The following PLCB4 variants were observed in gnomAD, a reference collection of about 807,000 sequenced individuals.
PLCB4 encodes the protein 1-phosphatidylinositol 4,5-bisphosphate phosphodiesterase beta-4.
Under a neutral mutation model 178.8 loss-of-function variants are expected in PLCB4, and 77 were observed. That is an observed-to-expected ratio of 0.43 (90% CI 0.36 to 0.52). The LOEUF (loss-of-function observed/expected upper bound fraction) is 0.52. Among genes scored for constraint, PLCB4 ranks in the 20% least tolerant of loss-of-function variants. The probability of loss-of-function intolerance (pLI) is 0.00; values close to 1 mark genes in which losing one functional copy is unlikely to be tolerated. For missense variants in PLCB4, 1,024 were observed against 1,453.4 expected (o/e 0.70, Z 4.80); for synonymous variants, 496 against 490.8 (o/e 1.01, Z -0.14).
intron 28 of PLCB4, among the ~76,000 whole-genome samples, chr20:9,435,008 T>C (rs2041674317): frequency 6.6e-6 from 1 of 152,226 alleles, no homozygotes; most frequent in African/African-American, 2.4e-5. Context: ...GTTCAAGTTA[T>C]ACCTGAGAAA....
At position 9,280,371 on chromosome 20, in the gene PLCB4, T is replaced by C. The variant is rs920877676; in HGVS notation, c.-15-27429T>C. On this transcript the variant is annotated intron_variant, in intron 3 of 39. Transcript: ENST00000378473. ...TGGCTCTTCACATTGGATTTCCAAG[T>C]TGGGAAGAGAAGGCAGGAAGACCTA... The C allele has an allele frequency of 8.3e-6, 6 of 722,816 alleles. No individual in the cohort carries two copies. The African/African-American group carries it at 1.2e-4, about 14-fold the overall frequency. The allele number at this position is 722,816 out of a possible 1,614,324, so 44.8% of individuals were successfully genotyped here.
intron 25 of PLCB4, among the ~76,000 whole-genome samples, chr20:9,415,212 A>G (rs1002416626): frequency 3.9e-5 from 6 of 151,964 alleles, no homozygotes; most frequent in South Asian, 4.2e-4. Flanking sequence ...TCATTTTCCT[A>G]TTGGGTTTTC....
chr20:9,091,216 C>G (rs1277953572), intron 1 of PLCB4, among the ~76,000 whole-genome samples: 1 of 110,378 alleles, frequency 9.1e-6, no homozygotes, highest in Non-Finnish European at 2.1e-5. Context: ...TACATGGTAG[C>G]TTTAAAAAAA....
intron 3 of PLCB4, among the ~76,000 whole-genome samples, chr20:9,253,704 T>A (rs2094204910): frequency 6.6e-6 from 1 of 152,208 alleles, no homozygotes; most frequent in Non-Finnish European, 1.5e-5. Flanking sequence ...TCTGAATCTG[T>A]GAGGCCAAAC....
intron 25 of PLCB4, among the ~76,000 whole-genome samples, chr20:9,414,505 G>A (rs1476055542): frequency 6.6e-6 from 1 of 152,204 alleles, no homozygotes; most frequent in Non-Finnish European, 1.5e-5. Flanking sequence ...TGAGTCTGAG[G>A]ACTGCATTTC....
At chr20:9,084,071 C>T (rs892633734) in intron 1 of PLCB4, among the ~76,000 whole-genome samples, 4 of 152,190 alleles carry the variant, frequency 2.6e-5, no homozygotes, top group Non-Finnish European at 4.4e-5. Flanking sequence ...GGCATTTGAA[C>T]ACATGTTCCT....
At chr20:9,438,870 A>G (rs1370062131) in intron 30 of PLCB4, among the ~76,000 whole-genome samples, 1 of 152,212 alleles carries the variant, frequency 6.6e-6, no homozygotes, top group Non-Finnish European at 1.5e-5. Flanking sequence ...GTTCTGGAGG[A>G]CAGTAGCATG....
At chr20:9,395,871 C>T (rs1462713665) in intron 19 of PLCB4, among the ~76,000 whole-genome samples, 2 of 152,066 alleles carry the variant, frequency 1.3e-5, no homozygotes, top group Non-Finnish European at 2.9e-5. Context: ...ACTGGGGAGG[C>T]TGAGGCAGTA....
intron 3 of PLCB4, among the ~76,000 whole-genome samples, chr20:9,285,312 T>C (rs1371920743): frequency 6.6e-6 from 1 of 151,976 alleles, no homozygotes; most frequent in African/African-American, 2.4e-5. Flanking sequence ...AGCCAACTTA[T>C]TGGTTTCATG....
At position 9,327,119 on chromosome 20, in the gene PLCB4, A is replaced by G. The variant is rs752776860; in HGVS notation, c.85-10007A>G. On this transcript the variant is annotated intron_variant, in intron 4 of 39. Transcript: ENST00000378473. ...AATCAGTACTAGCAACATTATAATG[A>G]TTATTATTACTATGTTTTATATTAA... 3.3e-5 allele frequency among the ~76,000 whole-genome samples: 5 copies of G among 151,590 alleles called. No individual in the cohort carries two copies. The South Asian group carries it at 1.0e-3, about 31-fold the overall frequency.
intron 2 of PLCB4, among the ~76,000 whole-genome samples, chr20:9,102,135 G>A (rs779824046): frequency 6.6e-5 from 10 of 152,116 alleles, no homozygotes; most frequent in South Asian, 4.1e-4. Flanking sequence ...ATGAGCCACC[G>A]CACCTGGCTG....
intron 2 of PLCB4, among the ~76,000 whole-genome samples, chr20:9,193,467 G>A (rs192495823): frequency 1.3e-5 from 2 of 152,264 alleles, no homozygotes; most frequent in African/African-American, 4.8e-5. Context: ...GTGTCAGAAT[G>A]AACACAACTC....
chr20:9,277,819 G>A lies in PLCB4; in HGVS notation c.-15-29981G>A, dbSNP rs2094462775. ...CAGCCTGAAGCCCACAGCTCAAGGGGCACACAGACCAGGCACTCCTGTTTT... is the reference window on the plus strand; with the variant it reads ...CAGCCTGAAGCCCACAGCTCAAGGGACACACAGACCAGGCACTCCTGTTTT... On this transcript the variant is annotated intron_variant, in intron 3 of 39. Transcript: ENST00000378473. Among the ~76,000 whole-genome samples the A allele has an allele frequency of 2.0e-5, 3 of 151,954 alleles. No homozygotes were observed. The South Asian group carries it at 6.2e-4, about 31-fold the overall frequency.
At chr20:9,290,069 C>G (rs2094567261) in intron 3 of PLCB4, among the ~76,000 whole-genome samples, 1 of 151,740 alleles carries the variant, frequency 6.6e-6, no homozygotes, top group South Asian at 2.1e-4. Flanking sequence ...TCCTCCTGGT[C>G]TCCAGGTCAG....
intron 13 of PLCB4, among the ~76,000 whole-genome samples, chr20:9,382,689 A>G (rs2037247794): frequency 6.6e-6 from 1 of 152,178 alleles, no homozygotes; most frequent in African/African-American, 2.4e-5. Flanking sequence ...ACTGGCCCAT[A>G]TTTAACACAG....
At chr20:9,384,787 T>C (rs2037438296) in intron 14 of PLCB4, among the ~76,000 whole-genome samples, 1 of 151,318 alleles carries the variant, frequency 6.6e-6, no homozygotes, top group Non-Finnish European at 1.5e-5. Flanking sequence ...TAGGCACTTG[T>C]AAATTAGCTT....
intron 3 of PLCB4, among the ~76,000 whole-genome samples, chr20:9,254,193 T>C (rs1396516458): frequency 6.6e-6 from 1 of 152,176 alleles, no homozygotes; most frequent in African/African-American, 2.4e-5. Flanking sequence ...GTGTAATAAA[T>C]AAAATAACCG....
intron 35 of PLCB4, among the ~76,000 whole-genome samples, chr20:9,461,861 G>A (rs1209715086): frequency 1.3e-5 from 2 of 152,186 alleles, no homozygotes; most frequent in African/African-American, 4.8e-5. Context: ...GACAACTTCT[G>A]CAGACTTAAA....
At chr20:9,295,852 C>T (rs1449690731) in intron 3 of PLCB4, among the ~76,000 whole-genome samples, 7 of 152,064 alleles carry the variant, frequency 4.6e-5, no homozygotes, top group African/African-American at 1.4e-4. Flanking sequence ...ACTCAGGTAG[C>T]GTGATGCCTC....
Sources: allele counts gnomAD v4.1 joint callset (sites outside exome capture counted in the v4.1 genomes callset), GRCh38; gene constraint gnomAD v4.1.1; transcripts MANE v1.5; gene names NCBI Gene and HGNC (gene_info 2026-07-23, HGNC 2026-07-21).